POFUT3: variants seen among roughly 807,000 people sequenced by gnomAD.
POFUT3 encodes the protein GDP-fucose protein O-fucosyltransferase 3.
At chr8:33,389,181 C>T in the POFUT3 span, 1 of 1,614,002 alleles carries the variant, frequency 6.2e-7, no homozygotes, top group African/African-American at 1.3e-5. Flanking sequence ...CTTGCCAGTT[C>T]CCTGGGGTGA....
chr8:33,380,282 A>C, the POFUT3 span, among the ~76,000 whole-genome samples: 1 of 125,670 alleles, frequency 8.0e-6, no homozygotes, highest in East Asian at 2.1e-4. Flanking sequence ...GACAATATGC[A>C]TGAACATAAG....
the POFUT3 span, among the ~76,000 whole-genome samples, chr8:33,380,163 CTA>C: frequency 7.9e-3 from 346 of 43,956 alleles, 4 homozygotes; most frequent in East Asian, 0.021. Flanking sequence ...TATATATATA[CTA>C]TATATATATA....
chr8:33,381,398 C>A, the POFUT3 span, among the ~76,000 whole-genome samples: 1 of 152,254 alleles, frequency 6.6e-6, no homozygotes, highest in East Asian at 1.9e-4. Context: ...TAAAACATCA[C>A]ATTTAATCTG....
chr8:33,364,967 A>AAAG, the POFUT3 span, among the ~76,000 whole-genome samples: 2 of 152,190 alleles, frequency 1.3e-5, no homozygotes, highest in African/African-American at 2.4e-5. Context: ...TCTTAAGCCA[A>AAAG]AAGAACAAAG....
chr8:33,332,881 G>T, the POFUT3 span, among the ~76,000 whole-genome samples: 4 of 151,992 alleles, frequency 2.6e-5, no homozygotes, highest in Non-Finnish European at 5.9e-5. Context: ...ATTTCCCATG[G>T]CCAATGGTGC....
the POFUT3 span, chr8:33,370,825 T>G: frequency 6.6e-6 from 1 of 152,172 alleles, no homozygotes; most frequent in South Asian, 2.1e-4. Context: ...CTCACTTCAT[T>G]TTATATGCAA....
At chr8:33,325,689 C>T in the POFUT3 span, among the ~76,000 whole-genome samples, 1 of 152,100 alleles carries the variant, frequency 6.6e-6, no homozygotes, top group Non-Finnish European at 1.5e-5. Context: ...ATCCAAGACA[C>T]CTGCTCCTTC....
the POFUT3 span, among the ~76,000 whole-genome samples, chr8:33,457,492 T>G: frequency 8.6e-5 from 13 of 151,320 alleles, no homozygotes; most frequent in African/African-American, 3.1e-4. Flanking sequence ...GAAGACTCCA[T>G]CTCAAAAAAA....
the POFUT3 span, among the ~76,000 whole-genome samples, chr8:33,359,298 G>T: frequency 6.6e-6 from 1 of 152,154 alleles, no homozygotes; most frequent in Non-Finnish European, 1.5e-5. Context: ...GGTTTTGTAA[G>T]GTGAGGAAGA....
At chr8:33,378,079 C>A in the POFUT3 span, among the ~76,000 whole-genome samples, 1 of 152,152 alleles carries the variant, frequency 6.6e-6, no homozygotes. Flanking sequence ...AGTTCAAACT[C>A]ATCAAAAGCT....
chr8:33,374,105 C>T, the POFUT3 span, among the ~76,000 whole-genome samples: 1 of 152,160 alleles, frequency 6.6e-6, no homozygotes, highest in Non-Finnish European at 1.5e-5. Context: ...CCTGTCAGAT[C>T]ATCAGCAACA....
chr8:33,466,702 C>G, the POFUT3 span, among the ~76,000 whole-genome samples: 1 of 152,130 alleles, frequency 6.6e-6, no homozygotes, highest in East Asian at 1.9e-4. Context: ...ACTGGTGGGA[C>G]AGGCAGACTT....
the POFUT3 span, among the ~76,000 whole-genome samples, chr8:33,350,202 T>C: frequency 0.042 from 6,347 of 152,278 alleles, 416 homozygotes; most frequent in African/African-American, 0.14. Context: ...TTTTCTACTA[T>C]TCTCTGGGTC....
chr8:33,398,199 A>G, the POFUT3 span, among the ~76,000 whole-genome samples: 2 of 152,160 alleles, frequency 1.3e-5, no homozygotes, highest in Non-Finnish European at 2.9e-5. Flanking sequence ...ACAATTACCC[A>G]ATTATTATTT....
At chr8:33,367,552 T>C in the POFUT3 span, among the ~76,000 whole-genome samples, 1 of 152,164 alleles carries the variant, frequency 6.6e-6, no homozygotes, top group South Asian at 2.1e-4. Context: ...TCTATATTTC[T>C]GTGTGTGTGT....
At chr8:33,327,177 C>T in the POFUT3 span, among the ~76,000 whole-genome samples, 9 of 152,258 alleles carry the variant, frequency 5.9e-5, no homozygotes, top group Admixed American at 5.9e-4. Context: ...AAGCCCTGGG[C>T]AAATGATGCT....
chr8:33,469,703 C>T, the POFUT3 span, among the ~76,000 whole-genome samples: 2 of 151,770 alleles, frequency 1.3e-5, no homozygotes, highest in Non-Finnish European at 2.9e-5. Flanking sequence ...AGTGGATCTA[C>T]TTGATGTAGA....
the POFUT3 span, among the ~76,000 whole-genome samples, chr8:33,471,234 T>C: frequency 6.7e-6 from 1 of 149,814 alleles, no homozygotes; most frequent in Non-Finnish European, 1.5e-5. Context: ...TTTGTTTTTG[T>C]TTTTTGTTGT....
chr8:33,368,758 T>C, the POFUT3 span, among the ~76,000 whole-genome samples: 1 of 152,330 alleles, frequency 6.6e-6, no homozygotes, highest in Non-Finnish European at 1.5e-5. Flanking sequence ...GCTTATACAA[T>C]CAATCAGTGT....
Sources: gnomAD v4.1 joint callset for allele counts (sites outside exome capture counted in the v4.1 genomes callset) on GRCh38, gnomAD v4.1.1 for gene constraint, MANE v1.5 for transcripts, NCBI Gene and HGNC (gene_info 2026-07-23, HGNC 2026-07-21) for gene names.